Variants in TMEM244 observed in about 807,000 individuals in gnomAD.
The protein encoded by TMEM244 is putative transmembrane protein 244.
In TMEM244, 13 loss-of-function variants were observed where a neutral mutation model predicts 15.8. The ratio of observed to expected loss-of-function variants is 0.82; its 90% CI spans 0.53 to 1.30. The LOEUF is 1.30. TMEM244 is among the 50% of genes most tolerant of loss of function. The pLI, the probability that TMEM244 is intolerant of heterozygous loss-of-function variation, is 0.00. For synonymous variants in TMEM244, 45 were observed against 48.7 expected (o/e 0.92, Z 0.32); for missense variants, 161 against 144.9 (o/e 1.11, Z -0.57).
Position 129,831,355 on chromosome 6 carries a change from C to A in TMEM244, c.351G>T (p.Trp117Cys), listed in dbSNP as rs201439623. Residue 117 changes from tryptophan to cysteine, a missense_variant, in exon 5 of 5, where the codon TGG (tryptophan) becomes TGT (cysteine). By Grantham distance (215) the Trp-to-Cys change is radical. Transcript: ENST00000368143. ...ATTTTGATATACCTAAAGCAGCCCA[C>A]CAATGTGATGTCAAGGGGAATTCCA... is the stretch of plus-strand genomic sequence containing the variant. ...VMLEFPLTSHWWAALGISKLL... is the reference protein window; with the variant it reads ...VMLEFPLTSHCWAALGISKLL... The A allele has an allele frequency of 2.6e-5, 41 of 1,580,236 alleles. No homozygotes were observed. Among genetic ancestry groups the A allele is most frequent in the Non-Finnish European group, 3.5e-5 (40 of 1,148,564 alleles).
intron 3 of TMEM244, among the ~76,000 whole-genome samples, chr6:129,837,610 A>G (rs926836907): frequency 6.6e-6 from 1 of 152,236 alleles, no homozygotes; most frequent in Non-Finnish European, 1.5e-5. Context: ...AAATGCCCCA[A>G]TTAAAATATA....
chr6:129,848,933 AC>A (rs1306846986), intron 1 of TMEM244, among the ~76,000 whole-genome samples: 1 of 152,094 alleles, frequency 6.6e-6, no homozygotes, highest in Non-Finnish European at 1.5e-5. Flanking sequence ...CAACCATTAA[AC>A]TTTTCTTATC....
At chr6:129,841,909 T>C (rs1358378042) in intron 3 of TMEM244, among the ~76,000 whole-genome samples, 1 of 152,180 alleles carries the variant, frequency 6.6e-6, no homozygotes, top group African/African-American at 2.4e-5. Context: ...TCTCTGAGAT[T>C]AGACAGGTAT....
Position 129,845,094 on chromosome 6 carries a change from C to T in TMEM244, c.119+673G>A, listed in dbSNP as rs1344663071. ...ATAAAAATGATACCATTAAAATACACGTATTATCCCATTTTGTCCTCATAA... is the reference window on the plus strand; with the variant it reads ...ATAAAAATGATACCATTAAAATACATGTATTATCCCATTTTGTCCTCATAA... On this transcript the variant is annotated intron_variant, in intron 2 of 4. Transcript: ENST00000368143. Among the ~76,000 whole-genome samples the T allele has an allele frequency of 2.6e-5, 4 of 152,224 alleles. No homozygotes were observed. The East Asian group carries it at 7.7e-4, about 29-fold the overall frequency.
intron 3 of TMEM244, among the ~76,000 whole-genome samples, chr6:129,839,741 C>T (rs1399379345): frequency 6.6e-6 from 1 of 152,164 alleles, no homozygotes; most frequent in Admixed American, 6.5e-5. Flanking sequence ...TCTCAGGATA[C>T]AAAATCAACA....
intron 1 of TMEM244, among the ~76,000 whole-genome samples, chr6:129,857,891 T>C (rs2114648264): frequency 6.6e-6 from 1 of 151,558 alleles, no homozygotes; most frequent in South Asian, 2.1e-4. Context: ...CATTAGTTCT[T>C]ATTTTATTCA....
chr6:129,857,357 T>C (rs1388905447), intron 1 of TMEM244, among the ~76,000 whole-genome samples: 1 of 151,714 alleles, frequency 6.6e-6, no homozygotes, highest in South Asian at 2.1e-4. Flanking sequence ...TATATACATA[T>C]ATAAATTATT....
At chr6:129,847,508 C>A in intron 1 of TMEM244, among the ~76,000 whole-genome samples, 1 of 152,110 alleles carries the variant, frequency 6.6e-6, no homozygotes, top group East Asian at 1.9e-4. Flanking sequence ...ACCAAATTTA[C>A]AGATCTACCA....
chr6:129,849,841 C>A (rs1243173090), intron 1 of TMEM244, among the ~76,000 whole-genome samples: 1 of 152,146 alleles, frequency 6.6e-6, no homozygotes. Context: ...TAAGCCCAAG[C>A]GAGACGCCAG....
At chr6:129,848,989 A>G (rs536105840) in intron 1 of TMEM244, among the ~76,000 whole-genome samples, 1 of 152,216 alleles carries the variant, frequency 6.6e-6, no homozygotes, top group Non-Finnish European at 1.5e-5. Context: ...TTTTTAATAC[A>G]TTCACTTACT....
In TMEM244 at chr6:129,860,166, G is replaced by A. The variant is rs548806470; in HGVS notation, c.33+990C>T. Among the ~76,000 whole-genome samples, 8 of 150,638 alleles carry A rather than the reference G, an allele frequency of 5.3e-5. 1 individual carries two copies. The South Asian group carries it at 1.7e-3, about 32-fold the overall frequency. On this transcript the variant is annotated intron_variant, in intron 1 of 4. Transcript: ENST00000368143. ...GTGTGTGTCTGTCTGTCTGGTCTGT[G>A]TAAGCCCCGACTAAATATAGAGCCC...
intron 2 of TMEM244, among the ~76,000 whole-genome samples, chr6:129,843,808 T>C (rs1776524720): frequency 6.6e-6 from 1 of 152,186 alleles, no homozygotes; most frequent in Non-Finnish European, 1.5e-5. Flanking sequence ...CTCAAACATC[T>C]CACTCTTCTT....
At chr6:129,839,122 C>T (rs72993220) in intron 3 of TMEM244, among the ~76,000 whole-genome samples, 10,214 of 152,164 alleles carry the variant, frequency 0.067, 431 homozygotes, top group Non-Finnish European at 0.091. Context: ...AGAGACACAA[C>T]AGAAAAGGAG....
At chr6:129,857,023 T>A (rs1271975888) in intron 1 of TMEM244, among the ~76,000 whole-genome samples, 1 of 152,052 alleles carries the variant, frequency 6.6e-6, no homozygotes, top group East Asian at 1.9e-4. Context: ...AAATAAATTC[T>A]TTTTGCTACT....
chr6:129,845,185 T>C (rs1182918268), intron 2 of TMEM244, among the ~76,000 whole-genome samples: 1 of 152,236 alleles, frequency 6.6e-6, no homozygotes, highest in African/African-American at 2.4e-5. Flanking sequence ...CACTGTCGTT[T>C]GGTCAAGATG....
At chr6:129,841,017 G>A (rs938222265) in intron 3 of TMEM244, among the ~76,000 whole-genome samples, 3 of 152,168 alleles carry the variant, frequency 2.0e-5, no homozygotes, top group South Asian at 2.1e-4. Flanking sequence ...ACTGTGTGGC[G>A]ATCCCTCAAG....
chr6:129,833,660 C>G, intron 3 of TMEM244, 75 bp from the exon 4 acceptor site: 1 of 1,412,008 alleles, frequency 7.1e-7, no homozygotes, highest in Non-Finnish European at 9.5e-7. Context: ...AGTAACAAGA[C>G]CAGGAAAGCT....
intron 1 of TMEM244, among the ~76,000 whole-genome samples, chr6:129,854,526 T>A (rs1776678923): frequency 6.6e-6 from 1 of 152,224 alleles, no homozygotes; most frequent in Admixed American, 6.5e-5. Context: ...AACAGTTATA[T>A]GACTCTTTAC....
chr6:129,842,592 T>A (rs943118507), intron 3 of TMEM244, among the ~76,000 whole-genome samples: 11 of 150,876 alleles, frequency 7.3e-5, no homozygotes, highest in African/African-American at 2.7e-4. Context: ...GTGGTTTTTC[T>A]AATGAATTGT....
Sources: allele counts gnomAD v4.1 joint callset (sites outside exome capture counted in the v4.1 genomes callset), GRCh38; gene constraint gnomAD v4.1.1; transcripts MANE v1.5; gene names NCBI Gene and HGNC (gene_info 2026-07-23, HGNC 2026-07-21).